NAV3: variants seen among roughly 807,000 people sequenced by gnomAD.
NAV3 encodes the protein neuron navigator 3, also known as pore membrane and/or filament interacting like protein 1.
In NAV3, 87 loss-of-function variants were observed where a neutral mutation model predicts 244.7. That is an observed-to-expected ratio of 0.36 (90% CI 0.30 to 0.42). NAV3 has a LOEUF of 0.42. Among genes scored for constraint, NAV3 ranks in the 20% least tolerant of loss-of-function variants. The pLI is 1.00. For missense variants in NAV3, 2,663 were observed against 2,893.3 expected (o/e 0.92, Z 1.83); for synonymous variants, 1,126 against 1,042.2 (o/e 1.08, Z -1.55).
chr12:78,152,494 T>A (rs1957114468), intron 22 of NAV3, among the ~76,000 whole-genome samples: 1 of 151,780 alleles, frequency 6.6e-6, no homozygotes, highest in Non-Finnish European at 1.5e-5. Context: ...ACCTATTAAT[T>A]ACAAGTCATT....
chr12:77,769,090 G>A (rs1869939284), intron 2 of NAV3, among the ~76,000 whole-genome samples: 1 of 152,024 alleles, frequency 6.6e-6, no homozygotes, highest in Non-Finnish European at 1.5e-5. Flanking sequence ...TTTAAAATTG[G>A]GAAAACTGAG....
intron 9 of NAV3, chr12:78,036,887 T>C (rs1254330429): frequency 4.3e-6 from 3 of 700,420 alleles, no homozygotes; most frequent in Non-Finnish European, 7.8e-6. Context: ...CTGAACTCTC[T>C]GTGTTCCGGA....
chr12:77,887,881 AAT>A (rs1259230585), intron 1 of NAV3, among the ~76,000 whole-genome samples: 1 of 152,154 alleles, frequency 6.6e-6, no homozygotes, highest in African/African-American at 2.4e-5. Context: ...TGTTATCAGA[AAT>A]TTTTAAATCA....
At chr12:77,849,177 C>G (rs190101831) in intron 1 of NAV3, among the ~76,000 whole-genome samples, 29 of 152,116 alleles carry the variant, frequency 1.9e-4, no homozygotes, top group African/African-American at 6.7e-4. Flanking sequence ...TAATGAGAAA[C>G]CGATTTGATT....
intron 2 of NAV3, among the ~76,000 whole-genome samples, chr12:77,669,554 C>T (rs895411722): frequency 5.9e-5 from 9 of 151,972 alleles, no homozygotes; most frequent in African/African-American, 1.7e-4. Context: ...AATAGCTATT[C>T]TTATATCAGA....
intron 8 of NAV3, among the ~76,000 whole-genome samples, chr12:78,011,061 A>C (rs574666265): frequency 1.6e-4 from 25 of 152,272 alleles, no homozygotes; most frequent in African/African-American, 4.8e-4. Flanking sequence ...TGTTATTCTT[A>C]TTCATTTATC....
At chr12:77,606,239 T>C (rs554531758) in intron 2 of NAV3, among the ~76,000 whole-genome samples, 1 of 152,316 alleles carries the variant, frequency 6.6e-6, no homozygotes, top group African/African-American at 2.4e-5. Context: ...GGCTCAATGC[T>C]GGGTGAGAAT....
At chr12:78,197,072 G>A (rs1371244436) in intron 34 of NAV3, among the ~76,000 whole-genome samples, 175 bp from the exon 35 acceptor site, 1 of 151,754 alleles carries the variant, frequency 6.6e-6, no homozygotes, top group Non-Finnish European at 1.5e-5. Context: ...AAATTATTCT[G>A]TCAGCAATAT....
chr12:77,733,679 C>T (rs711149), intron 2 of NAV3, among the ~76,000 whole-genome samples: 5,519 of 151,908 alleles, frequency 0.036, 341 homozygotes, highest in African/African-American at 0.13. Flanking sequence ...ACAGAGAAGA[C>T]TGAAGAGGGG....
At chr12:77,740,301 G>A (rs1461242021) in intron 2 of NAV3, among the ~76,000 whole-genome samples, 4 of 152,102 alleles carry the variant, frequency 2.6e-5, no homozygotes, top group African/African-American at 4.8e-5. Flanking sequence ...CTAATGTGGG[G>A]TAAACTGGTA....
chr12:78,028,643 C>A (rs922032108), intron 9 of NAV3, among the ~76,000 whole-genome samples: 8 of 152,150 alleles, frequency 5.3e-5, no homozygotes, highest in Admixed American at 2.0e-4. Flanking sequence ...GAGTGAATTT[C>A]TTACCAGTTT....
intron 20 of NAV3, chr12:78,143,295 CA>C: frequency 2.2e-6 from 1 of 449,674 alleles, no homozygotes; most frequent in Non-Finnish European, 4.5e-6. Flanking sequence ...ACCTGATCTG[CA>C]GAGGTGTTAC....
intron 2 of NAV3, among the ~76,000 whole-genome samples, chr12:77,629,220 C>G (rs1049243885): frequency 6.6e-6 from 1 of 152,126 alleles, no homozygotes; most frequent in African/African-American, 2.4e-5. Flanking sequence ...AGTGTAGTAA[C>G]AAGATCCCAA....
intron 1 of NAV3, among the ~76,000 whole-genome samples, chr12:77,860,089 A>T (rs1246564606): frequency 6.6e-6 from 1 of 151,916 alleles, no homozygotes; most frequent in East Asian, 1.9e-4. Flanking sequence ...AAAGGGAAGA[A>T]TATTGTAAGT....
intron 24 of NAV3, among the ~76,000 whole-genome samples, chr12:78,174,632 G>A (rs1958144392): frequency 6.6e-6 from 1 of 151,880 alleles, no homozygotes; most frequent in Admixed American, 6.6e-5. Flanking sequence ...TAAGTCATGG[G>A]CAGGCAGTAG....
In NAV3 at chr12:78,146,411, A is replaced by G. The variant is rs761888843; in HGVS notation, c.4707+19A>G. 54 of 1,015,432 alleles carry G rather than the reference A, an allele frequency of 5.3e-5. No homozygotes were observed. Among genetic ancestry groups the G allele is most frequent in the Non-Finnish European group, 6.8e-5 (49 of 724,656 alleles). 62.9% of individuals were successfully genotyped at this position (1,015,432 alleles called of 1,614,324 possible). A position where few individuals can be genotyped will look rare whatever the true frequency, so the allele number is the denominator to read the frequency against. On this transcript the variant is annotated intron_variant, in intron 21 of 39. Coordinates refer to ENST00000397909, the MANE Select transcript of NAV3 (RefSeq NM_001024383.2). ...TTCAGAGGTAAAAAAAAAATATGCA[A>G]TATTTTAATATTTTCTATTTTAGTT...
At chr12:77,721,389 G>A (rs1007672603) in intron 2 of NAV3, among the ~76,000 whole-genome samples, 13 of 152,046 alleles carry the variant, frequency 8.6e-5, no homozygotes, top group South Asian at 2.1e-4. Flanking sequence ...AAAAAAAAGC[G>A]TATTGAAAAA....
At chr12:77,808,991 A>C (rs185979234) in intron 2 of NAV3, among the ~76,000 whole-genome samples, 6 of 152,156 alleles carry the variant, frequency 3.9e-5, no homozygotes, top group African/African-American at 1.4e-4. Flanking sequence ...AAAACCACCT[A>C]CTCAAGCCTC....
At chr12:77,684,413 G>A (rs1874618949) in intron 2 of NAV3, among the ~76,000 whole-genome samples, 1 of 151,934 alleles carries the variant, frequency 6.6e-6, no homozygotes, top group South Asian at 2.1e-4. Flanking sequence ...TTTTTTGACA[G>A]TGTTTTACTC....
Sources: gnomAD v4.1 joint callset for allele counts (sites outside exome capture counted in the v4.1 genomes callset) on GRCh38, gnomAD v4.1.1 for gene constraint, MANE v1.5 for transcripts, NCBI Gene and HGNC (gene_info 2026-07-23, HGNC 2026-07-21) for gene names.